The following NEGR1 variants were observed in gnomAD, a reference collection of about 807,000 sequenced individuals.
The protein encoded by NEGR1 is IgLON family member 4.
Under a neutral mutation model 40.9 loss-of-function variants are expected in NEGR1, and 10 were observed. The observed-to-expected ratio is 0.24, with a 90% CI of 0.15 to 0.42. The LOEUF (loss-of-function observed/expected upper bound fraction) is 0.42, where lower values mean the gene tolerates loss of function less well. NEGR1 is among the 10% of genes least tolerant of loss of function. NEGR1 has a pLI of 1.00. For missense variants in NEGR1, 352 were observed against 438.9 expected, an observed-to-expected ratio of 0.80 and a Z score of 1.77; for synonymous variants, 185 against 166.8, an observed-to-expected ratio of 1.11 and a Z score of -0.84.
intron 6 of NEGR1, among the ~76,000 whole-genome samples, chr1:71,535,616 G>T (rs1647488280): frequency 6.6e-6 from 1 of 151,684 alleles, no homozygotes. Flanking sequence ...CAAGAATTGA[G>T]AATAGAGAAG....
chr1:71,413,826 A>T (rs768140606), intron 6 of NEGR1, among the ~76,000 whole-genome samples: 1 of 152,172 alleles, frequency 6.6e-6, no homozygotes, highest in African/African-American at 2.4e-5. Context: ...AATTATGATT[A>T]TCACTACCAA....
intron 1 of NEGR1, among the ~76,000 whole-genome samples, chr1:72,272,243 C>T (rs1009215298): frequency 2.0e-5 from 3 of 151,890 alleles, no homozygotes; most frequent in African/African-American, 7.2e-5. Flanking sequence ...CCCTCCCTTT[C>T]TTCCTCTTCC....
At chr1:72,221,163 C>G (rs1654000366) in intron 1 of NEGR1, among the ~76,000 whole-genome samples, 1 of 152,024 alleles carries the variant, frequency 6.6e-6, no homozygotes, top group Non-Finnish European at 1.5e-5. Flanking sequence ...ATAACTCGGT[C>G]TCTTATCATC....
rs1016973217 is a variant in NEGR1 at position 71,877,112 on chromosome 1, T to C, written c.409+57967A>G. On this transcript the variant is annotated intron_variant, in intron 2 of 6. Transcript: ENST00000357731. ...AGTGGGAGCAAAGGATCAAAGAGCA[T>C]TCAAAGCAAAGGTAGGTAGCACGAC... Among the ~76,000 whole-genome samples the C allele has an allele frequency of 2.6e-5, 4 of 151,050 alleles. No individual in the cohort carries two copies. In the East Asian group the frequency reaches 5.9e-4, roughly 22 times the overall value.
chr1:71,735,438 G>A (rs1655013836), intron 3 of NEGR1, among the ~76,000 whole-genome samples: 1 of 152,030 alleles, frequency 6.6e-6, no homozygotes, highest in African/African-American at 2.4e-5. Flanking sequence ...CCTGAAATCT[G>A]ATATTTAATG....
chr1:71,501,950 T>C (rs1647002246), intron 6 of NEGR1, among the ~76,000 whole-genome samples: 1 of 152,194 alleles, frequency 6.6e-6, no homozygotes, highest in Admixed American at 6.6e-5. Context: ...TTTGTCCAAC[T>C]TTCTGAAGGC....
chr1:71,579,361 G>A lies in NEGR1; in HGVS notation c.940+13456C>T, dbSNP rs530936219. Among the ~76,000 whole-genome samples the A allele has an allele frequency of 1.0e-3, 152 of 152,200 alleles. 1 individual carries two copies. The highest frequency in any genetic ancestry group is 3.6e-3 in the African/African-American group (149 of 41,544). The stretch of plus-strand genomic sequence containing the variant: ...CAATCTCCAAAATGTTGTGAATCAA[G>A]TTATTTTAGCTCAACTTTGTATTCC... On this transcript the variant is annotated intron_variant, in intron 6 of 6. Coordinates refer to ENST00000357731, the MANE Select transcript of NEGR1 (RefSeq NM_173808.3).
rs1432530571 is a variant in NEGR1 at position 71,400,126 on chromosome 1, A to G, written c.*7320T>C. 6.6e-6 allele frequency: 1 copy of G among 152,212 alleles called. No homozygotes were observed. Among genetic ancestry groups the G allele is most frequent in the Non-Finnish European group, 1.5e-5 (1 of 68,032 alleles). 9.4% of individuals were successfully genotyped at this position (152,212 alleles called of 1,614,324 possible). A position where few individuals can be genotyped will look rare whatever the true frequency, so the allele number is the denominator to read the frequency against. On this transcript the variant is annotated 3_prime_UTR_variant, in exon 7 of 7. Transcript: ENST00000357731. ...TGGCAAATTCAAATTTCCACCAAGG[A>G]ATAGCCCAGTGCTTTTAGCAATCCA... is the stretch of plus-strand genomic sequence containing the variant.
chr1:71,823,375 C>T (rs1207639662), intron 2 of NEGR1, among the ~76,000 whole-genome samples: 3 of 151,854 alleles, frequency 2.0e-5, no homozygotes, highest in Non-Finnish European at 4.4e-5. Flanking sequence ...TCCATGATAA[C>T]CTTGTTATAT....
chr1:71,465,507 G>T (rs545230378), intron 6 of NEGR1, among the ~76,000 whole-genome samples: 1 of 152,102 alleles, frequency 6.6e-6, no homozygotes, highest in Admixed American at 6.6e-5. Flanking sequence ...TGTTGATTTG[G>T]AGAAAAAGAA....
chr1:71,633,746 T>C (rs1651051285), intron 4 of NEGR1, among the ~76,000 whole-genome samples: 1 of 152,130 alleles, frequency 6.6e-6, no homozygotes, highest in Admixed American at 6.6e-5. Flanking sequence ...GATTGGCCCC[T>C]TCGCTTTCTT....
chr1:72,223,158 C>T (rs867492644), intron 1 of NEGR1, among the ~76,000 whole-genome samples: 4 of 152,148 alleles, frequency 2.6e-5, no homozygotes, highest in East Asian at 3.8e-4. Flanking sequence ...CATTACCCTC[C>T]GATGACTTCC....
At chr1:72,025,874 G>C (rs915695455) in intron 1 of NEGR1, among the ~76,000 whole-genome samples, 3 of 152,080 alleles carry the variant, frequency 2.0e-5, no homozygotes, top group Non-Finnish European at 4.4e-5. Context: ...CACTTTGGGA[G>C]GCCGAGGCGG....
intron 1 of NEGR1, among the ~76,000 whole-genome samples, chr1:72,121,982 C>A (rs182800593): frequency 6.6e-6 from 1 of 151,842 alleles, no homozygotes; most frequent in Non-Finnish European, 1.5e-5. Context: ...TATGTAAATA[C>A]TGTTTACCCA....
At chr1:72,077,645 TAAATAAATAA>T (rs1341253537) in intron 1 of NEGR1, among the ~76,000 whole-genome samples, 2 of 150,524 alleles carry the variant, frequency 1.3e-5, no homozygotes, top group Non-Finnish European at 1.5e-5. Context: ...AATAAATAAA[TAAATAAATAA>T]ATAAATAAAT....
At chr1:72,053,420 A>G (rs944861212) in intron 1 of NEGR1, among the ~76,000 whole-genome samples, 32 of 151,228 alleles carry the variant, frequency 2.1e-4, no homozygotes, top group Admixed American at 5.3e-4. Context: ...TATACTTTAT[A>G]CAATATTTCC....
chr1:71,967,894 T>C (rs998849130), intron 1 of NEGR1, among the ~76,000 whole-genome samples: 2 of 152,210 alleles, frequency 1.3e-5, no homozygotes, highest in African/African-American at 2.4e-5. Context: ...ATTCTCTATA[T>C]GACATCAACT....
At chr1:71,658,675 T>C (rs529931104) in intron 4 of NEGR1, among the ~76,000 whole-genome samples, 3 of 152,170 alleles carry the variant, frequency 2.0e-5, no homozygotes, top group Non-Finnish European at 4.4e-5. Context: ...TAATAGACAA[T>C]TAGAAAAGGG....
intron 1 of NEGR1, among the ~76,000 whole-genome samples, chr1:72,207,238 G>C (rs1381760663): frequency 5.9e-5 from 9 of 151,630 alleles, no homozygotes; most frequent in African/African-American, 2.2e-4. Context: ...ATTATTTCAA[G>C]AAGCAAATAT....
Sources: gnomAD v4.1 joint callset for allele counts (sites outside exome capture counted in the v4.1 genomes callset) on GRCh38, gnomAD v4.1.1 for gene constraint, MANE v1.5 for transcripts, NCBI Gene and HGNC (gene_info 2026-07-23, HGNC 2026-07-21) for gene names.